Variants in RAB30 observed in about 807,000 individuals in gnomAD.
The protein encoded by RAB30 is RAB30, member RAS oncogene family.
In RAB30, 9 loss-of-function variants were observed where a neutral mutation model predicts 25.1. The observed-to-expected ratio is 0.36, with a 90% CI of 0.22 to 0.63. The LOEUF is 0.63. Ranked by LOEUF, RAB30 falls within the 20% of genes least tolerant of loss-of-function variation. RAB30 has a pLI of 0.69. For synonymous variants in RAB30, 77 were observed against 86.4 expected (o/e 0.89, Z 0.60); for missense variants, 140 against 243.5 (o/e 0.58, Z 2.83).
chr11:83,040,213 A>C (rs961653672), intron 1 of RAB30, among the ~76,000 whole-genome samples: 1 of 152,202 alleles, frequency 6.6e-6, no homozygotes, highest in Non-Finnish European at 1.5e-5. Context: ...AAATGAAAGA[A>C]AAGAGATTTT....
chr11:82,992,705 CTTCTCTCTCTCT>C (rs905296152), intron 3 of RAB30, among the ~76,000 whole-genome samples: 17 of 148,254 alleles, frequency 1.1e-4, no homozygotes, highest in African/African-American at 3.5e-4. Flanking sequence ...CTCCCCCAGC[CTTCTCTCTCTCT>C]TTCTCTCTCT....
intron 1 of RAB30, among the ~76,000 whole-genome samples, chr11:83,022,369 G>T (rs1348956152): frequency 6.6e-6 from 1 of 152,124 alleles, no homozygotes; most frequent in Non-Finnish European, 1.5e-5. Context: ...ATATTGCCCA[G>T]GCTGGTCTTG....
intron 1 of RAB30, among the ~76,000 whole-genome samples, chr11:83,042,992 T>C (rs1858160779): frequency 6.6e-6 from 1 of 152,202 alleles, no homozygotes; most frequent in African/African-American, 2.4e-5. Context: ...AACATTATTA[T>C]TAACGGTATT....
intron 1 of RAB30, among the ~76,000 whole-genome samples, chr11:83,062,820 G>A (rs1858612275): frequency 6.6e-6 from 1 of 151,652 alleles, no homozygotes; most frequent in South Asian, 2.1e-4. Context: ...GGCCAACAAG[G>A]CGGAACCCCA....
At chr11:82,995,910 C>A (rs1157695391) in intron 2 of RAB30, among the ~76,000 whole-genome samples, 1 of 152,162 alleles carries the variant, frequency 6.6e-6, no homozygotes, top group Non-Finnish European at 1.5e-5. Flanking sequence ...CTCTAAGTGA[C>A]CTTTCAATAC....
chr11:83,059,262 G>A (rs1858516286), intron 1 of RAB30, among the ~76,000 whole-genome samples: 1 of 152,106 alleles, frequency 6.6e-6, no homozygotes, highest in South Asian at 2.1e-4. Flanking sequence ...GTTTCTGTGT[G>A]CAAAATCGAA....
At chr11:83,040,560 C>G (rs529992064) in intron 1 of RAB30, among the ~76,000 whole-genome samples, 1 of 148,856 alleles carries the variant, frequency 6.7e-6, no homozygotes, top group South Asian at 2.1e-4. Flanking sequence ...CATTGGCACT[C>G]CAGCCTGGGC....
At chr11:83,046,264 C>A (rs531397577) in intron 1 of RAB30, among the ~76,000 whole-genome samples, 1 of 152,268 alleles carries the variant, frequency 6.6e-6, no homozygotes, top group African/African-American at 2.4e-5. Flanking sequence ...CCCTCGGGAC[C>A]AAAGCTATAC....
Position 83,042,024 on chromosome 11 carries a change from T to C in RAB30, c.-9+29667A>G, listed in dbSNP as rs548333393. ...CAGCCTGGGCAACAGAGTGAGACTC[T>C]GTCTCAAAAAAAAAAAAAAAAAAAT... On this transcript the variant is annotated intron_variant, in intron 1 of 4. Transcript: ENST00000527633. Among the ~76,000 whole-genome samples the C allele has an allele frequency of 1.9e-3, 254 of 135,902 alleles. 1 individual carries two copies. The highest frequency in any genetic ancestry group is 0.011 in the Middle Eastern group (3 of 270). The allele number at this position is 135,902 out of a possible 152,430, so 89.2% of individuals were successfully genotyped here. A position where few individuals can be genotyped will look rare whatever the true frequency, so the allele number is the denominator to read the frequency against.
intron 1 of RAB30, among the ~76,000 whole-genome samples, chr11:83,049,253 A>C (rs781619933): frequency 8.6e-5 from 13 of 151,974 alleles, no homozygotes; most frequent in Non-Finnish European, 1.5e-4. Flanking sequence ...TCTACTAAAA[A>C]TACAAAAATT....
At chr11:83,040,599 A>G (rs955968980) in intron 1 of RAB30, among the ~76,000 whole-genome samples, 3,169 of 152,204 alleles carry the variant, frequency 0.021, 105 homozygotes, top group African/African-American at 0.073. Context: ...TCTCAAAAAA[A>G]AAAAAAAAAA....
chr11:83,006,741 C>T (rs1299710928), intron 1 of RAB30, among the ~76,000 whole-genome samples: 1 of 152,202 alleles, frequency 6.6e-6, no homozygotes, highest in Non-Finnish European at 1.5e-5. Context: ...TGCCCAGCTG[C>T]ACCCCTTCAT....
At chr11:83,044,993 T>C (rs1858204727) in intron 1 of RAB30, among the ~76,000 whole-genome samples, 1 of 152,156 alleles carries the variant, frequency 6.6e-6, no homozygotes, top group Non-Finnish European at 1.5e-5. Context: ...ACTGTATACA[T>C]TAATTCTCAA....
chr11:82,986,402 T>A (rs1856739260), intron 4 of RAB30, among the ~76,000 whole-genome samples: 1 of 152,228 alleles, frequency 6.6e-6, no homozygotes, highest in African/African-American at 2.4e-5. Flanking sequence ...TTGAACTAAC[T>A]GTCTCCCCTC....
intron 1 of RAB30, among the ~76,000 whole-genome samples, chr11:83,053,437 C>T (rs1297743775): frequency 6.6e-6 from 1 of 152,182 alleles, no homozygotes; most frequent in East Asian, 1.9e-4. Flanking sequence ...TTTAGTAATT[C>T]TAATCCTTAG....
At chr11:83,006,461 G>A (rs1007935835) in intron 1 of RAB30, among the ~76,000 whole-genome samples, 3 of 152,096 alleles carry the variant, frequency 2.0e-5, no homozygotes, top group African/African-American at 7.2e-5. Flanking sequence ...AAAGGGCGGG[G>A]GCATATGATT....
At chr11:83,016,806 C>T (rs1857448693) in intron 1 of RAB30, among the ~76,000 whole-genome samples, 1 of 152,222 alleles carries the variant, frequency 6.6e-6, no homozygotes, top group African/African-American at 2.4e-5. Flanking sequence ...AATGCAAACA[C>T]ACACCCCCTT....
chr11:82,986,529 C>A (rs1165156829), intron 4 of RAB30, among the ~76,000 whole-genome samples: 1 of 152,176 alleles, frequency 6.6e-6, no homozygotes, highest in East Asian at 1.9e-4. Context: ...TGCTTTATGG[C>A]AAAGGTTCAA....
At position 82,997,308 on chromosome 11, in the gene RAB30, C is replaced by G. The variant is rs1189071723; in HGVS notation, c.9G>C (p.Met3Ile). The G allele has an allele frequency of 1.2e-6, 2 of 1,608,804 alleles. No individual in the cohort carries two copies. The highest frequency in any genetic ancestry group is 1.7e-6 in the Non-Finnish European group (2 of 1,175,204). The change falls in exon 2 of 5, where the codon ATG becomes ATC. Residue 3 changes from methionine (M) to isoleucine (I), a missense_variant. Coordinates refer to ENST00000527633, the MANE Select transcript of RAB30 (RefSeq NM_001286060.2). ...TTTTGAACAGGAAATCATAATCTTC[C>G]ATACTCATTTACACAGCTGCAAGGC... Reference protein sequence around the residue: MSMEDYDFLFKIV... With the variant: MSIEDYDFLFKIV...
Sources: allele counts gnomAD v4.1 joint callset (sites outside exome capture counted in the v4.1 genomes callset), GRCh38; gene constraint gnomAD v4.1.1; transcripts MANE v1.5; gene names NCBI Gene and HGNC (gene_info 2026-07-23, HGNC 2026-07-21).